INSR: variants seen among roughly 807,000 people sequenced by gnomAD.
The protein encoded by INSR is insulin receptor.
Under a neutral mutation model 142.6 loss-of-function variants are expected in INSR, and 67 were observed. The observed-to-expected ratio is 0.47, with a 90% CI of 0.39 to 0.58. INSR has a LOEUF of 0.58. INSR is among the 20% of genes least tolerant of loss of function. The pLI is 0.00. For synonymous variants in INSR, 756 were observed against 743.1 expected, an observed-to-expected ratio of 1.02 and a Z score of -0.28; for missense variants, 1,248 against 1,833.2, an observed-to-expected ratio of 0.68 and a Z score of 5.83.
At chr19:7,211,151 C>T (rs893771511) in intron 2 of INSR, among the ~76,000 whole-genome samples, 1 of 152,118 alleles carries the variant, frequency 6.6e-6, no homozygotes, top group Non-Finnish European at 1.5e-5. Context: ...ACTGCAGCCT[C>T]GACTTCCTGG....
At chr19:7,199,597 C>T (rs563240342) in intron 2 of INSR, among the ~76,000 whole-genome samples, 1 of 127,990 alleles carries the variant, frequency 7.8e-6, no homozygotes, top group Non-Finnish European at 1.6e-5. Flanking sequence ...GCGGGTCTCT[C>T]TATGTTGCCT....
chr19:7,292,080 A>C (rs936954478), intron 1 of INSR, among the ~76,000 whole-genome samples: 1 of 64,584 alleles, frequency 1.5e-5, no homozygotes, highest in African/African-American at 4.8e-5. Flanking sequence ...AGCGTGAGCC[A>C]CCACGCCCCG....
At chr19:7,139,227 G>A (rs533638571) in intron 13 of INSR, among the ~76,000 whole-genome samples, 1 of 152,330 alleles carries the variant, frequency 6.6e-6, no homozygotes, top group Non-Finnish European at 1.5e-5. Context: ...GAATCACCCA[G>A]TGAACCTGCA....
Position 7,267,902 on chromosome 19 carries a change from A to G in INSR, c.101-6T>C. The G allele has an allele frequency of 6.2e-7, 1 of 1,612,266 alleles. No individual in the cohort carries two copies. The highest frequency in any genetic ancestry group is 8.5e-7 in the Non-Finnish European group (1 of 1,179,078). ...GATATCCATGCCGGGACACACTACA[A>G]GAGAAAATGAACAGAAAGCAAGACA... On this transcript the variant is annotated splice_polypyrimidine_tract_variant and splice_region_variant and intron_variant, in intron 1 of 21. Transcript: ENST00000302850. This position sits in a 1 kb window ranked among gnomAD's most constrained non-coding sequence, Gnocchi z 6.3.
rs998609172 is a variant in INSR at position 7,166,254 on chromosome 19, G to T, written c.1761C>A (p.Thr587=). 1.9e-6 allele frequency: 3 copies of T among 1,614,022 alleles called. No individual in the cohort carries two copies. Among genetic ancestry groups the T allele is most frequent in the African/African-American group, 1.3e-5 (1 of 74,926 alleles). The change falls in exon 8 of 22, where the codon ACC becomes ACA. Residue 587 remains threonine (T), a synonymous_variant. Coordinates refer to ENST00000302850, the MANE Select transcript of INSR (RefSeq NM_000208.4). This position sits in a 1 kb window ranked among gnomAD's most constrained non-coding sequence, Gnocchi z 4.1. The part of the protein sequence containing the change: ...GWLMRGLKPW[T]QYAIFVKTLV... ...GGGTCTTCACAAAGATGGCATACTGGGTCCAGGGCTTGAGACCCCGCATCA... is the reference window on the plus strand; with the variant it reads ...GGGTCTTCACAAAGATGGCATACTGTGTCCAGGGCTTGAGACCCCGCATCA...
chr19:7,196,732 G>A (rs1974757318), intron 2 of INSR, among the ~76,000 whole-genome samples: 2 of 150,286 alleles, frequency 1.3e-5, no homozygotes, highest in African/African-American at 4.9e-5. Context: ...AAAACTTTCC[G>A]AAGTTTAAAA....
chr19:7,207,753 C>G (rs1360652015), intron 2 of INSR, among the ~76,000 whole-genome samples: 3 of 151,864 alleles, frequency 2.0e-5, no homozygotes, highest in African/African-American at 7.3e-5. Context: ...CAAGACCCAT[C>G]TCTACAAACA....
At chr19:7,200,667 C>T (rs1974927249) in intron 2 of INSR, among the ~76,000 whole-genome samples, 1 of 151,262 alleles carries the variant, frequency 6.6e-6, no homozygotes, top group Non-Finnish European at 1.5e-5. Context: ...AGCAAGACCT[C>T]ATCTCTATTT....
chr19:7,160,549 C>T (rs111726472), intron 9 of INSR, among the ~76,000 whole-genome samples: 2,813 of 152,088 alleles, frequency 0.018, 83 homozygotes, highest in African/African-American at 0.065. Flanking sequence ...CGTTTGAGCC[C>T]AGGAGTTCAA....
chr19:7,152,927 C>A lies in INSR; in HGVS notation c.2030G>T (p.Gly677Val). ...CCAGGTCCTCGAGGGCAGCTTCAGC[C>A]CTGGAGAAAGAAACAGAAAAGGGGG... is the stretch of plus-strand genomic sequence containing the variant. ...ELFELDYCLK[G>V]LKLPSRTWSP... The change falls in exon 10 of 22, where the codon GGG becomes GTG. Residue 677 changes from glycine (G) to valine (V), a missense_variant and splice_region_variant. This residue lies in a region of INSR where 1,069 missense variants were observed against 1,654.0 expected (regional missense o/e 0.65). Transcript: ENST00000302850. The A allele has an allele frequency of 6.2e-7, 1 of 1,610,250 alleles. No homozygotes were observed. Among genetic ancestry groups the A allele is most frequent in the Non-Finnish European group, 8.5e-7 (1 of 1,179,106 alleles).
intron 2 of INSR, among the ~76,000 whole-genome samples, chr19:7,253,206 C>G (rs1976785623): frequency 6.6e-6 from 1 of 150,384 alleles, no homozygotes; most frequent in South Asian, 2.1e-4. Flanking sequence ...ACATGCCCTA[C>G]AGTGTAATTT....
At position 7,125,625 on chromosome 19, in the gene INSR, T is replaced by C. The variant is rs781474261; in HGVS notation, c.3014-98A>G. On this transcript the variant is annotated intron_variant, in intron 16 of 21. Transcript: ENST00000302850. This position sits in a 1 kb window ranked among gnomAD's most constrained non-coding sequence, Gnocchi z 4.9. ...CTCACCCAAACCCCCTCGAAAACAC[T>C]CATGAAATGAGTTCTGTGATCCAGG... is the stretch of plus-strand genomic sequence containing the variant. The C allele has an allele frequency of 2.0e-6, 3 of 1,512,498 alleles. No homozygotes were observed. Among genetic ancestry groups the C allele is most frequent in the Non-Finnish European group, 2.7e-6 (3 of 1,104,140 alleles). 93.7% of individuals were successfully genotyped at this position (1,512,498 alleles called of 1,614,324 possible).
intron 2 of INSR, among the ~76,000 whole-genome samples, chr19:7,189,484 C>T (rs1400286325): frequency 6.6e-6 from 1 of 152,132 alleles, no homozygotes; most frequent in African/African-American, 2.4e-5. Flanking sequence ...CTTTGCAGGA[C>T]ATATGGTGTT....
intron 1 of INSR, among the ~76,000 whole-genome samples, chr19:7,278,088 G>A (rs975139457): frequency 5.3e-5 from 8 of 151,102 alleles, no homozygotes; most frequent in African/African-American, 7.3e-5. Context: ...AGTGAGACTC[G>A]GTCTCAAAAA....
At chr19:7,208,069 A>G (rs187996450) in intron 2 of INSR, among the ~76,000 whole-genome samples, 104 of 151,882 alleles carry the variant, frequency 6.8e-4, no homozygotes, top group Non-Finnish European at 1.3e-3. Context: ...CCCCCAGAAA[A>G]CCACCTCGTG....
At chr19:7,196,443 C>T (rs1318983602) in intron 2 of INSR, among the ~76,000 whole-genome samples, 1 of 152,066 alleles carries the variant, frequency 6.6e-6, no homozygotes, top group Non-Finnish European at 1.5e-5. Flanking sequence ...AAGCTTGAAA[C>T]GACATCAAAA....
At chr19:7,187,962 T>C (rs1418391332) in intron 2 of INSR, among the ~76,000 whole-genome samples, 1 of 152,096 alleles carries the variant, frequency 6.6e-6, no homozygotes, top group African/African-American at 2.4e-5. Context: ...CCTACAGGCC[T>C]TGGGGGGTCT....
chr19:7,149,632 A>G (rs1465826172), intron 11 of INSR, among the ~76,000 whole-genome samples: 2 of 151,938 alleles, frequency 1.3e-5, no homozygotes, highest in African/African-American at 4.8e-5. Context: ...GACCAGCCTG[A>G]CCAACATGGA....
intron 2 of INSR, among the ~76,000 whole-genome samples, chr19:7,228,496 A>G (rs1174692120): frequency 6.6e-6 from 1 of 152,232 alleles, no homozygotes; most frequent in Non-Finnish European, 1.5e-5. Flanking sequence ...CACTCAAATC[A>G]GAAATGAGAC....
Sources: allele counts gnomAD v4.1 joint callset (sites outside exome capture counted in the v4.1 genomes callset), GRCh38; gene constraint gnomAD v4.1.1; regional missense constraint gnomAD v4.1.1; non-coding constraint Gnocchi (gnomAD v3.1); transcripts MANE v1.5; gene names NCBI Gene and HGNC (gene_info 2026-07-23, HGNC 2026-07-21).